Variants in TRIM44 observed in about 807,000 individuals in gnomAD.
The protein encoded by TRIM44 is tripartite motif containing 44.
TRIM44 carries 13 observed loss-of-function variants against 37.4 expected under a neutral mutation model. That is an observed-to-expected ratio of 0.35 (90% CI 0.23 to 0.55). The LOEUF (loss-of-function observed/expected upper bound fraction) is 0.55. Among genes scored for constraint, TRIM44 ranks in the 20% least tolerant of loss-of-function variants. TRIM44 has a pLI of 0.89. For missense variants in TRIM44, 426 were observed against 437.2 expected (o/e 0.97, Z 0.23); for synonymous variants, 175 against 157.2 (o/e 1.11, Z -0.85).
intron 2 of TRIM44, among the ~76,000 whole-genome samples, chr11:35,714,285 C>T (rs1355721835): frequency 6.6e-6 from 1 of 152,106 alleles, no homozygotes; most frequent in Non-Finnish European, 1.5e-5. Flanking sequence ...GCCCTAAGTG[C>T]TTTCCATGTA....
intron 1 of TRIM44, among the ~76,000 whole-genome samples, chr11:35,681,619 C>A (rs1851521867): frequency 6.6e-6 from 1 of 152,110 alleles, no homozygotes; most frequent in South Asian, 2.1e-4. Context: ...TTATGTGCCC[C>A]AAGGATTGAC....
chr11:35,732,228 C>A (rs547626042), intron 3 of TRIM44, among the ~76,000 whole-genome samples: 1 of 152,106 alleles, frequency 6.6e-6, no homozygotes, highest in African/African-American at 2.4e-5. Context: ...ATATAAACAG[C>A]CTTGTTTGAT....
At chr11:35,799,734 A>G (rs945849408) in intron 4 of TRIM44, among the ~76,000 whole-genome samples, 6 of 152,194 alleles carry the variant, frequency 3.9e-5, no homozygotes, top group African/African-American at 1.4e-4. Flanking sequence ...TAATACCAGA[A>G]GCTATCGGTG....
At chr11:35,777,518 C>G (rs899568199) in intron 4 of TRIM44, among the ~76,000 whole-genome samples, 2 of 150,426 alleles carry the variant, frequency 1.3e-5, no homozygotes, top group Non-Finnish European at 3.0e-5. Flanking sequence ...GGTTATTTTG[C>G]TCGTTAGTTG....
At chr11:35,742,846 A>G (rs1031974658) in intron 4 of TRIM44, among the ~76,000 whole-genome samples, 6 of 145,878 alleles carry the variant, frequency 4.1e-5, no homozygotes, top group Admixed American at 1.4e-4. Flanking sequence ...TATCATTAAT[A>G]TATTATTTTT....
chr11:35,673,893 G>A (rs969159335), intron 1 of TRIM44, among the ~76,000 whole-genome samples: 2 of 151,800 alleles, frequency 1.3e-5, no homozygotes, highest in African/African-American at 2.4e-5. Context: ...TTTTCTCTCC[G>A]CTTGCACCTA....
intron 2 of TRIM44, among the ~76,000 whole-genome samples, chr11:35,692,345 G>A (rs1851646117): frequency 6.6e-6 from 1 of 152,056 alleles, no homozygotes; most frequent in Admixed American, 6.5e-5. Flanking sequence ...AGACACCTAT[G>A]GAAAAAACTG....
At chr11:35,682,306 C>T (rs1322871543) in intron 1 of TRIM44, among the ~76,000 whole-genome samples, 1 of 152,018 alleles carries the variant, frequency 6.6e-6, no homozygotes, top group Admixed American at 6.6e-5. Flanking sequence ...TCATGGGTGA[C>T]CAAGAGGGGT....
At chr11:35,714,058 A>G (rs891960451) in intron 2 of TRIM44, among the ~76,000 whole-genome samples, 3 of 152,188 alleles carry the variant, frequency 2.0e-5, no homozygotes, top group Non-Finnish European at 4.4e-5. Flanking sequence ...TTCAATGCCT[A>G]GGATGAGTAG....
chr11:35,746,020 A>G (rs1852484712), intron 4 of TRIM44, among the ~76,000 whole-genome samples: 3 of 152,222 alleles, frequency 2.0e-5, no homozygotes, highest in Non-Finnish European at 2.9e-5. Flanking sequence ...GAAAAGCAAC[A>G]TTGAAGCACC....
At chr11:35,741,095 AG>A (rs1360761960) in intron 4 of TRIM44, among the ~76,000 whole-genome samples, 1 of 152,110 alleles carries the variant, frequency 6.6e-6, no homozygotes, top group Non-Finnish European at 1.5e-5. Flanking sequence ...TCTTCATTGC[AG>A]GAAGTCTATC....
In TRIM44 at chr11:35,807,866, G is replaced by C. The variant is rs1465379851; in HGVS notation, c.*1481G>C. The C allele has an allele frequency of 6.6e-6, 1 of 152,110 alleles. No homozygotes were observed. The highest frequency in any genetic ancestry group is 2.4e-5 in the African/African-American group (1 of 41,416). The allele number at this position is 152,110 out of a possible 1,614,324, so 9.4% of individuals were successfully genotyped here. A position where few individuals can be genotyped will look rare whatever the true frequency, so the allele number is the denominator to read the frequency against. On this transcript the variant is annotated 3_prime_UTR_variant, in exon 5 of 5. Transcript: ENST00000299413. ...ATATCCAAGCAGACTCTGGGTTGCT[G>C]TTAACCCAGGGCCTAGACTTCTAGT...
intron 4 of TRIM44, among the ~76,000 whole-genome samples, chr11:35,760,243 T>A (rs1328828358): frequency 6.6e-6 from 1 of 152,174 alleles, no homozygotes; most frequent in Admixed American, 6.5e-5. Context: ...GGTCTCAGAC[T>A]GCTGTGCTAG....
At chr11:35,785,289 A>T (rs980419356) in intron 4 of TRIM44, among the ~76,000 whole-genome samples, 2 of 152,312 alleles carry the variant, frequency 1.3e-5, no homozygotes, top group African/African-American at 4.8e-5. Context: ...GTCTGAGGAG[A>T]TGGCCCCACT....
chr11:35,664,848 T>C (rs1281842378), intron 1 of TRIM44, among the ~76,000 whole-genome samples: 4 of 152,232 alleles, frequency 2.6e-5, no homozygotes, highest in Non-Finnish European at 4.4e-5. Context: ...TTTCCAATTA[T>C]AACCATCTCT....
chr11:35,770,934 A>T (rs1265783046), intron 4 of TRIM44, among the ~76,000 whole-genome samples: 1 of 152,190 alleles, frequency 6.6e-6, no homozygotes, highest in Non-Finnish European at 1.5e-5. Context: ...GCCATGTGGA[A>T]CGCTAAGCCC....
intron 2 of TRIM44, among the ~76,000 whole-genome samples, chr11:35,701,649 G>C (rs1851790288): frequency 6.6e-6 from 1 of 152,156 alleles, no homozygotes; most frequent in Non-Finnish European, 1.5e-5. Flanking sequence ...TTTCTGGGCT[G>C]TCTTGAACAG....
chr11:35,680,672 C>T (rs1851512206), intron 1 of TRIM44, among the ~76,000 whole-genome samples: 1 of 152,126 alleles, frequency 6.6e-6, no homozygotes, highest in Admixed American at 6.6e-5. Context: ...GCTAGTCTTC[C>T]TCAAGAGGAA....
At chr11:35,732,996 C>T (rs939816822) in intron 3 of TRIM44, among the ~76,000 whole-genome samples, 1 of 152,274 alleles carries the variant, frequency 6.6e-6, no homozygotes, top group Middle Eastern at 3.4e-3. Flanking sequence ...CCGCTCTCCC[C>T]TAGAAATGTT....
Sources: allele counts gnomAD v4.1 joint callset (sites outside exome capture counted in the v4.1 genomes callset), GRCh38; gene constraint gnomAD v4.1.1; transcripts MANE v1.5; gene names NCBI Gene and HGNC (gene_info 2026-07-23, HGNC 2026-07-21).